Variants in LTF observed in about 807,000 individuals in gnomAD.
LTF encodes the protein epididymis luminal protein 110.
LTF carries 91 observed loss-of-function variants against 87.2 expected under a neutral mutation model. The ratio of observed to expected loss-of-function variants is 1.04; its 90% CI spans 0.88 to 1.24. LTF has a LOEUF of 1.24. LTF is among the 50% of genes most tolerant of loss of function. The pLI is 0.00. For synonymous variants in LTF, 378 were observed against 356.1 expected (o/e 1.06, Z -0.69); for missense variants, 901 against 904.3 (o/e 1.00, Z 0.05).
At position 46,443,501 on chromosome 3, in the gene LTF, C is replaced by T. The variant is rs1212718174; in HGVS notation, c.1595G>A (p.Gly532Asp). Reference protein sequence around the residue: ...LCALCIGDEQGENKCVPNSNE... With the variant: ...LCALCIGDEQDENKCVPNSNE... ...GCTGTTGGGCACGCACTTATTCTCA[C>T]CCTGCTCGTCGCCAATACACAGAGC... The change falls in exon 13 of 17, where the codon GGT (glycine) becomes GAT (aspartate). Residue 532 changes from glycine to aspartate, a missense_variant. Coordinates refer to ENST00000231751, the MANE Select transcript of LTF (RefSeq NM_002343.6). 1.9e-6 allele frequency: 3 copies of T among 1,614,072 alleles called. No individual in the cohort carries two copies. Among genetic ancestry groups the T allele is most frequent in the African/African-American group, 2.7e-5 (2 of 74,914 alleles).
At chr3:46,481,925 AT>A (rs1437766964) in intron 1 of LTF, among the ~76,000 whole-genome samples, 1 of 152,242 alleles carries the variant, frequency 6.6e-6, no homozygotes, top group Non-Finnish European at 1.5e-5. Flanking sequence ...TATTGGAAAA[AT>A]ATTGAATTAT....
At chr3:46,456,082 A>G (rs772022113) in intron 3 of LTF, 104 bp from the exon 4 acceptor site, 1 of 1,145,456 alleles carries the variant, frequency 8.7e-7, no homozygotes, top group Non-Finnish European at 1.2e-6. Context: ...GCTGTGCTGC[A>G]GTTTCCTCAC....
rs61740470 is a variant in LTF at position 46,450,495 on chromosome 3, C to T, written c.882G>A (p.Gln294=). The change falls in exon 7 of 17, where the codon CAG becomes CAA. Residue 294 remains glutamine, a splice_region_variant and synonymous_variant. Transcript: ENST00000231751. The part of the protein sequence containing the change: ...DAIWNLLRQA[Q]EKFGKDKSPK... ...TGGGGAGGACCGTGGGTGAAGATAC[C>T]TGTGCCTGGCGGAGAAGATTCCAGA... is the stretch of plus-strand genomic sequence containing the variant. 14,538 of 1,608,650 alleles carry T rather than the reference C, an allele frequency of 9.0e-3. 96 individuals are homozygous for T. Among genetic ancestry groups the T allele is most frequent in the Middle Eastern group, 0.022 (107 of 4,928 alleles).
At chr3:46,467,130 C>A (rs1703226834), upstream of LTF, among the ~76,000 whole-genome samples, 1 of 152,174 alleles carries the variant, frequency 6.6e-6, no homozygotes. Context: ...CAGAGCAGCC[C>A]CTCAAGGCCA....
At chr3:46,437,539 T>A (rs1377819586) in intron 16 of LTF, among the ~76,000 whole-genome samples, 1 of 152,050 alleles carries the variant, frequency 6.6e-6, no homozygotes, top group African/African-American at 2.4e-5. Flanking sequence ...GCCACATTGG[T>A]CTCAAACTCC....
At chr3:46,436,965 C>T (rs143510923) in intron 16 of LTF, among the ~76,000 whole-genome samples, 1,688 of 152,356 alleles carry the variant, frequency 0.011, 34 homozygotes, top group African/African-American at 0.037. Context: ...ATGCTTCTCA[C>T]ATTGTCAAAT....
intron 16 of LTF, among the ~76,000 whole-genome samples, chr3:46,436,805 A>G (rs1702397458): frequency 6.6e-6 from 1 of 152,214 alleles, no homozygotes; most frequent in Admixed American, 6.5e-5. Context: ...GTCAATACAG[A>G]AAAGGGTTTC....
intron 1 of LTF, chr3:46,460,638 C>A (rs1464837514): frequency 2.2e-6 from 1 of 452,842 alleles, no homozygotes; most frequent in Non-Finnish European, 4.4e-6. Context: ...AGACTGACTG[C>A]TTTCCACCTA....
intron 13 of LTF, among the ~76,000 whole-genome samples, chr3:46,443,196 C>A (rs765791168): frequency 2.0e-5 from 3 of 152,216 alleles, no homozygotes; most frequent in Non-Finnish European, 2.9e-5. Context: ...TGCTGTTGAT[C>A]TTGGCTCAAA....
chr3:46,472,611 G>A (rs936149443), intron 1 of LTF, among the ~76,000 whole-genome samples: 1 of 149,072 alleles, frequency 6.7e-6, no homozygotes, highest in Non-Finnish European at 1.5e-5. Context: ...GCTCACAGCA[G>A]CCTCGAACTC....
At chr3:46,451,801 G>A (rs1378030188) in intron 6 of LTF, among the ~76,000 whole-genome samples, 1 of 152,058 alleles carries the variant, frequency 6.6e-6, no homozygotes, top group Non-Finnish European at 1.5e-5. Context: ...CACCATGTTG[G>A]CCAGGCTGGT....
At chr3:46,446,330 T>C (rs1292105127) in intron 11 of LTF, 110 bp downstream of exon 11, 5 of 805,140 alleles carry the variant, frequency 6.2e-6, no homozygotes. Context: ...CTAGAAGCCC[T>C]ATAGCTTCTA....
chr3:46,477,078 C>T (rs1375065886), intron 1 of LTF, among the ~76,000 whole-genome samples: 1 of 152,208 alleles, frequency 6.6e-6, no homozygotes, highest in Admixed American at 6.5e-5. Flanking sequence ...GAAAATTCTG[C>T]TAGTTTTCCA....
chr3:46,471,960 G>T (rs1453520025), intron 1 of LTF, among the ~76,000 whole-genome samples: 1 of 152,184 alleles, frequency 6.6e-6, no homozygotes, highest in Non-Finnish European at 1.5e-5. Context: ...ATGCTGTCAT[G>T]TTAGCCAATT....
rs551461799 is a variant in LTF, at chr3:46,449,743, G to A, written c.1057+111C>T. ...ACTCACACCTGCATCAAACCTCCAC[G>A]ATGACCCCACAGTGTCTGGGAAAAG... On this transcript the variant is annotated intron_variant, in intron 8 of 16. Transcript: ENST00000231751. The A allele has an allele frequency of 3.2e-5, 37 of 1,153,602 alleles. 1 individual carries two copies. The highest frequency in any genetic ancestry group is 6.2e-5 in the African/African-American group (4 of 64,608). 71.5% of individuals were successfully genotyped at this position (1,153,602 alleles called of 1,614,324 possible).
At position 46,441,431 on chromosome 3, in the gene LTF, A is replaced by T; in HGVS notation, c.1708T>A (p.Leu570Met). The change falls in exon 14 of 17, where the codon TTG (leucine) becomes ATG (methionine). Residue 570 changes from leucine (L) to methionine (M), a missense_variant. Coordinates refer to ENST00000231751, the MANE Select transcript of LTF (RefSeq NM_002343.6). ...DVAFVKDVTVLQNTDGNNNEA... is the reference protein window; with the variant it reads ...DVAFVKDVTVMQNTDGNNNEA... ...CTTCACCTACCATCAGTGTTCTGCA[A>T]GACAGTGACATCTTTCACAAATGCA... The T allele has an allele frequency of 1.2e-6, 2 of 1,613,796 alleles. No individual in the cohort carries two copies. The highest frequency in any genetic ancestry group is 1.7e-6 in the Non-Finnish European group (2 of 1,179,856).
At chr3:46,479,555 G>T (rs540849096) in intron 1 of LTF, among the ~76,000 whole-genome samples, 10 of 151,880 alleles carry the variant, frequency 6.6e-5, no homozygotes, top group Non-Finnish European at 1.2e-4. Context: ...ACAGAGTCTC[G>T]CTCTGTCACC....
At position 46,450,646 on chromosome 3, in the gene LTF, T is replaced by A; in HGVS notation, c.731A>T (p.Asp244Val). 2 of 1,613,316 alleles carry A rather than the reference T, an allele frequency of 1.2e-6. No individual in the cohort carries two copies. The highest frequency in any genetic ancestry group is 1.7e-6 in the Non-Finnish European group (2 of 1,179,304). The part of the protein sequence containing the change: ...FEDLSDEAER[D>V]EYELLCPDNT... ...GTCTGGGCAGAGTAACTCATACTCG[T>A]CCCTTTCAGCCTCGTCTGACAGGTC... The change falls in exon 7 of 17, where the codon GAC becomes GTC. Residue 244 changes from aspartate to valine, a missense_variant. Asp to Val is a radical substitution (Grantham distance 152). Transcript: ENST00000231751.
At position 46,436,084 on chromosome 3, in the gene LTF, C is replaced by T; in HGVS notation, c.*111G>A. ...AGGGAATTGTAAGCAGATGGATGGGCAATCCCCACCTTCAGCAGGGGAGGC... is the reference window on the plus strand; with the variant it reads ...AGGGAATTGTAAGCAGATGGATGGGTAATCCCCACCTTCAGCAGGGGAGGC... On this transcript the variant is annotated 3_prime_UTR_variant, in exon 17 of 17. Transcript: ENST00000231751. The T allele has an allele frequency of 1.0e-6, 1 of 995,664 alleles. No individual in the cohort carries two copies. Among genetic ancestry groups the T allele is most frequent in the African/African-American group, 1.6e-5 (1 of 62,244 alleles). The allele number at this position is 995,664 out of a possible 1,614,324, so 61.7% of individuals were successfully genotyped here.
Sources: allele counts gnomAD v4.1 joint callset (sites outside exome capture counted in the v4.1 genomes callset), GRCh38; gene constraint gnomAD v4.1.1; transcripts MANE v1.5; gene names NCBI Gene and HGNC (gene_info 2026-07-23, HGNC 2026-07-21).